The following RYK variants were observed in gnomAD, a reference collection of about 807,000 sequenced individuals.
The protein encoded by RYK is receptor like tyrosine kinase.
A neutral mutation model predicts 70.2 loss-of-function variants in RYK; 21 were observed. The ratio of observed to expected loss-of-function variants is 0.30; its 90% CI spans 0.21 to 0.43. The LOEUF (loss-of-function observed/expected upper bound fraction) is 0.43. Among genes scored for constraint, RYK ranks in the 20% least tolerant of loss-of-function variants. RYK has a pLI of 1.00. For missense variants in RYK, 604 were observed against 753.3 expected, an observed-to-expected ratio of 0.80 and a Z score of 2.32; for synonymous variants, 267 against 278.0, an observed-to-expected ratio of 0.96 and a Z score of 0.39.
chr3:134,224,394 A>G (rs896634086), intron 1 of RYK, among the ~76,000 whole-genome samples: 6 of 152,212 alleles, frequency 3.9e-5, no homozygotes, highest in Non-Finnish European at 5.9e-5. Context: ...CGGAGAGATC[A>G]AAGATTTTAA....
At chr3:134,232,272 T>A (rs2015075806) in intron 1 of RYK, among the ~76,000 whole-genome samples, 1 of 152,118 alleles carries the variant, frequency 6.6e-6, no homozygotes, top group South Asian at 2.1e-4. Flanking sequence ...GGTTTCCACT[T>A]TCACCCACCA....
chr3:134,227,995 A>T (rs2107688658), intron 1 of RYK, among the ~76,000 whole-genome samples: 1 of 152,330 alleles, frequency 6.6e-6, no homozygotes, highest in South Asian at 2.1e-4. Context: ...TTCTTTAAAA[A>T]ATTAAAAGTT....
chr3:134,248,693 G>A (rs2107701011), intron 1 of RYK, among the ~76,000 whole-genome samples: 1 of 152,024 alleles, frequency 6.6e-6, no homozygotes, highest in African/African-American at 2.4e-5. Flanking sequence ...CGCTACTTGG[G>A]AGGCTGAGGC....
chr3:134,207,090 T>C (rs1436305343), intron 5 of RYK, among the ~76,000 whole-genome samples: 6 of 152,134 alleles, frequency 3.9e-5, no homozygotes, highest in Non-Finnish European at 7.3e-5. Flanking sequence ...ATCTTTAAGC[T>C]TACACCTTCA....
At chr3:134,225,880 A>AC (rs1471872011) in intron 1 of RYK, among the ~76,000 whole-genome samples, 2 of 151,886 alleles carry the variant, frequency 1.3e-5, no homozygotes, top group Non-Finnish European at 2.9e-5. Context: ...ATCAAAAAAA[A>AC]AAAAGATCAA....
intron 1 of RYK, among the ~76,000 whole-genome samples, chr3:134,242,264 C>T (rs1285365537): frequency 6.6e-6 from 1 of 151,240 alleles, no homozygotes; most frequent in African/African-American, 2.4e-5. Context: ...GAGATCATGC[C>T]ATTACACTCC....
At chr3:134,248,888 T>C (rs958016989) in intron 1 of RYK, among the ~76,000 whole-genome samples, 3 of 152,060 alleles carry the variant, frequency 2.0e-5, no homozygotes, top group African/African-American at 7.2e-5. Flanking sequence ...CCTACCTCAC[T>C]GGGCCCCGAG....
intron 6 of RYK, among the ~76,000 whole-genome samples, chr3:134,198,766 T>C (rs1370547082): frequency 2.0e-5 from 3 of 152,228 alleles, no homozygotes; most frequent in Non-Finnish European, 2.9e-5. Context: ...AAATGGTTTT[T>C]TTCCTCCCTC....
chr3:134,216,022 T>A (rs2014541069), intron 2 of RYK, among the ~76,000 whole-genome samples: 1 of 125,756 alleles, frequency 8.0e-6, no homozygotes, highest in South Asian at 2.6e-4. Context: ...GGTGACAGAG[T>A]GAGACTCAGT....
intron 6 of RYK, among the ~76,000 whole-genome samples, chr3:134,202,019 C>T (rs987066514): frequency 6.6e-6 from 1 of 152,010 alleles, no homozygotes; most frequent in Non-Finnish European, 1.5e-5. Flanking sequence ...ACACACTTTA[C>T]TATACATATC....
At chr3:134,227,493 T>C (rs1358682676) in intron 1 of RYK, among the ~76,000 whole-genome samples, 4 of 151,770 alleles carry the variant, frequency 2.6e-5, no homozygotes, top group Non-Finnish European at 5.9e-5. Flanking sequence ...AATTCAACTT[T>C]AGTATTTTCA....
At chr3:134,224,931 ATATC>A (rs1402594285) in intron 1 of RYK, among the ~76,000 whole-genome samples, 2 of 152,230 alleles carry the variant, frequency 1.3e-5, no homozygotes, top group Non-Finnish European at 2.9e-5. Context: ...ATATATAATC[ATATC>A]TATATTCTAT....
intron 13 of RYK, among the ~76,000 whole-genome samples, chr3:134,164,993 AT>A (rs1205417724): frequency 6.6e-6 from 1 of 152,172 alleles, no homozygotes; most frequent in African/African-American, 2.4e-5. Context: ...TGTTGATAAT[AT>A]TTTTCAAACT....
chr3:134,186,104 A>C (rs889557167), intron 9 of RYK, among the ~76,000 whole-genome samples: 1 of 152,212 alleles, frequency 6.6e-6, no homozygotes. Context: ...ACACTTGCTT[A>C]TTTACAAAAC....
At chr3:134,202,686 A>G (rs1281224868) in intron 6 of RYK, 44 bp downstream of exon 6, 4 of 1,585,948 alleles carry the variant, frequency 2.5e-6, no homozygotes, top group Non-Finnish European at 2.6e-6. Flanking sequence ...ATATATACAA[A>G]TAACTGCTTT....
chr3:134,223,932 T>C (rs746910108), intron 1 of RYK, among the ~76,000 whole-genome samples: 7 of 152,204 alleles, frequency 4.6e-5, no homozygotes, highest in Non-Finnish European at 7.3e-5. Context: ...TACAGGTATT[T>C]ATCCTGTAAA....
intron 1 of RYK, among the ~76,000 whole-genome samples, chr3:134,225,201 T>C (rs2014869981): frequency 6.6e-6 from 1 of 152,192 alleles, no homozygotes; most frequent in African/African-American, 2.4e-5. Flanking sequence ...AGAAAGGGGT[T>C]AGAGGAAAAA....
chr3:134,189,316 C>G (rs2013568760), intron 8 of RYK, among the ~76,000 whole-genome samples: 3 of 152,148 alleles, frequency 2.0e-5, no homozygotes, highest in African/African-American at 7.2e-5. Context: ...ACCGCAGAGC[C>G]TTAAAAAGTA....
intron 13 of RYK, among the ~76,000 whole-genome samples, chr3:134,168,290 T>C (rs1305247917): frequency 6.6e-6 from 1 of 152,214 alleles, no homozygotes; most frequent in Non-Finnish European, 1.5e-5. Context: ...CAAAGGAGTA[T>C]AAATCATGCT....
Sources: gnomAD v4.1 joint callset for allele counts (sites outside exome capture counted in the v4.1 genomes callset) on GRCh38, gnomAD v4.1.1 for gene constraint, MANE v1.5 for transcripts, NCBI Gene and HGNC (gene_info 2026-07-23, HGNC 2026-07-21) for gene names.